Variants in MYO1D observed in about 807,000 individuals in gnomAD.
MYO1D encodes unconventional myosin-Id.
MYO1D carries 83 observed loss-of-function variants against 122.0 expected under a neutral mutation model. The ratio of observed to expected loss-of-function variants is 0.68; its 90% CI spans 0.57 to 0.82. The LOEUF (loss-of-function observed/expected upper bound fraction) is 0.82. Ranked by LOEUF, MYO1D falls within the 40% of genes least tolerant of loss-of-function variation. The pLI is 0.00. For synonymous variants in MYO1D, 464 were observed against 446.9 expected (o/e 1.04, Z -0.48); for missense variants, 1,157 against 1,269.5 (o/e 0.91, Z 1.35).
chr17:32,745,665 G>A lies in MYO1D; in HGVS notation c.1539-380C>T, dbSNP rs79182395. ...GCCTAAGGTTCACTCAGTGTTGAGG[G>A]TAGGATAAAAGATTCCAAGAAGAAC... is the stretch of plus-strand genomic sequence containing the variant. On this transcript the variant is annotated intron_variant, in intron 12 of 21. Transcript: ENST00000318217. The A allele has an allele frequency of 5.3e-4, 88 of 167,180 alleles. 2 individuals are homozygous for A. In the East Asian group the frequency reaches 0.015, roughly 29 times the overall value. 10.4% of individuals were successfully genotyped at this position (167,180 alleles called of 1,614,324 possible). A position where few individuals can be genotyped will look rare whatever the true frequency, so the allele number is the denominator to read the frequency against.
At chr17:32,827,696 A>G (rs2090735468) in intron 1 of MYO1D, among the ~76,000 whole-genome samples, 1 of 152,222 alleles carries the variant, frequency 6.6e-6, no homozygotes, top group South Asian at 2.1e-4. Context: ...GAAAGAGTAG[A>G]AAAAAAGACA....
chr17:32,579,867 G>T (rs917669267), intron 21 of MYO1D, among the ~76,000 whole-genome samples: 5 of 152,168 alleles, frequency 3.3e-5, no homozygotes, highest in Non-Finnish European at 7.3e-5. Context: ...GGATATAACA[G>T]TTTGCTTATC....
chr17:32,876,178 TAGAG>T (rs2091226623), intron 1 of MYO1D, among the ~76,000 whole-genome samples: 1 of 151,906 alleles, frequency 6.6e-6, no homozygotes, highest in Non-Finnish European at 1.5e-5. Context: ...TAATTACGTT[TAGAG>T]AGTAACTAAA....
intron 17 of MYO1D, among the ~76,000 whole-genome samples, chr17:32,657,488 A>G (rs1189408308): frequency 6.6e-6 from 1 of 152,266 alleles, no homozygotes; most frequent in Non-Finnish European, 1.5e-5. Context: ...AAAATACTTA[A>G]TATCTGGCTC....
chr17:32,794,028 A>T (rs1270073781), intron 1 of MYO1D, among the ~76,000 whole-genome samples: 1 of 152,240 alleles, frequency 6.6e-6, no homozygotes, highest in African/African-American at 2.4e-5. Context: ...ATTGTTCAGC[A>T]TGCGGCATCA....
At chr17:32,546,819 C>T (rs2086968534) in intron 21 of MYO1D, among the ~76,000 whole-genome samples, 1 of 151,894 alleles carries the variant, frequency 6.6e-6, no homozygotes, top group African/African-American at 2.4e-5. Context: ...AGGTGCACCT[C>T]AAAGTGATGT....
At chr17:32,609,952 T>C (rs2087678733) in intron 20 of MYO1D, among the ~76,000 whole-genome samples, 1 of 152,216 alleles carries the variant, frequency 6.6e-6, no homozygotes, top group Non-Finnish European at 1.5e-5. Context: ...AAAAACATTT[T>C]ATGTCTATCA....
chr17:32,747,079 A>G (rs2089845579), intron 12 of MYO1D, among the ~76,000 whole-genome samples: 3 of 152,204 alleles, frequency 2.0e-5, no homozygotes, highest in African/African-American at 7.2e-5. Context: ...ACAGGACCAG[A>G]AAAAGTGGAA....
intron 20 of MYO1D, among the ~76,000 whole-genome samples, chr17:32,613,789 CAAAAAAAAAAAAAA>C (rs60701225): frequency 2.0e-5 from 1 of 51,042 alleles, no homozygotes; most frequent in South Asian, 1.2e-3. Context: ...GATTCCATCT[CAAAAAAAAAAAAAA>C]AAAAAAAAAA....
intron 16 of MYO1D, among the ~76,000 whole-genome samples, chr17:32,693,946 A>G (rs919194487): frequency 3.3e-5 from 5 of 152,186 alleles, no homozygotes; most frequent in African/African-American, 1.2e-4. Context: ...TTATTGTTCT[A>G]AAAGGGCTTT....
chr17:32,549,680 C>G (rs2086994164), intron 21 of MYO1D, among the ~76,000 whole-genome samples: 1 of 152,222 alleles, frequency 6.6e-6, no homozygotes, highest in Non-Finnish European at 1.5e-5. Context: ...CTGGGAACTA[C>G]TTGGTGGCAA....
chr17:32,726,939 G>A (rs1191676128), intron 14 of MYO1D, among the ~76,000 whole-genome samples: 2 of 152,074 alleles, frequency 1.3e-5, no homozygotes, highest in Non-Finnish European at 2.9e-5. Context: ...TTCCTAGGAA[G>A]GAGGCAAAAG....
At chr17:32,683,252 C>T (rs2088949678) in intron 16 of MYO1D, among the ~76,000 whole-genome samples, 2 of 152,038 alleles carry the variant, frequency 1.3e-5, no homozygotes, top group Admixed American at 6.5e-5. Flanking sequence ...CTCAGCTCGT[C>T]AAAGTCATTC....
intron 1 of MYO1D, among the ~76,000 whole-genome samples, chr17:32,838,140 T>C (rs1897250537): frequency 6.6e-6 from 1 of 152,158 alleles, no homozygotes; most frequent in Admixed American, 6.5e-5. Flanking sequence ...CCTATAAATA[T>C]TCATGTCAAA....
chr17:32,789,221 G>T (rs2090327047), intron 1 of MYO1D, among the ~76,000 whole-genome samples: 2 of 152,166 alleles, frequency 1.3e-5, no homozygotes, highest in African/African-American at 4.8e-5. Context: ...AACAGCAACA[G>T]TTCAACTTCC....
At chr17:32,653,137 G>A (rs542428106) in intron 19 of MYO1D, among the ~76,000 whole-genome samples, 252 of 148,284 alleles carry the variant, frequency 1.7e-3, no homozygotes, top group African/African-American at 6.0e-3. Flanking sequence ...ATGAGACTCC[G>A]TCTCAAAAAA....
chr17:32,677,191 C>A (rs2088824138), intron 16 of MYO1D, among the ~76,000 whole-genome samples: 1 of 152,134 alleles, frequency 6.6e-6, no homozygotes. Flanking sequence ...GTTAGAAAGG[C>A]CTTCCCTACT....
At chr17:32,591,136 G>A (rs778461562) in intron 21 of MYO1D, among the ~76,000 whole-genome samples, 10 of 152,236 alleles carry the variant, frequency 6.6e-5, no homozygotes, top group Non-Finnish European at 1.2e-4. Flanking sequence ...AAGGGCAGCC[G>A]CTTCTCAGTG....
intron 21 of MYO1D, among the ~76,000 whole-genome samples, chr17:32,555,147 C>T (rs1020629152): frequency 3.3e-5 from 5 of 152,100 alleles, no homozygotes; most frequent in Non-Finnish European, 5.9e-5. Flanking sequence ...GGTGCTCAAT[C>T]GCAGGGCTTG....
Sources: gnomAD v4.1 joint callset for allele counts (sites outside exome capture counted in the v4.1 genomes callset) on GRCh38, gnomAD v4.1.1 for gene constraint, MANE v1.5 for transcripts, NCBI Gene and HGNC (gene_info 2026-07-23, HGNC 2026-07-21) for gene names.